The following TANC2 variants were observed in gnomAD, a reference collection of about 807,000 sequenced individuals.
TANC2 encodes the protein tetratricopeptide repeat, ankyrin repeat and coiled-coil containing 2.
A neutral mutation model predicts 210.5 loss-of-function variants in TANC2; 26 were observed. That is an observed-to-expected ratio of 0.12 (90% CI 0.09 to 0.17). The LOEUF is 0.17. Ranked by LOEUF, TANC2 falls within the 10% of genes least tolerant of loss-of-function variation. The pLI is 1.00. For missense variants in TANC2, 2,129 were observed against 2,608.9 expected (o/e 0.82, Z 4.01); for synonymous variants, 931 against 967.1 (o/e 0.96, Z 0.69).
chr17:63,262,693 A>C (rs1448678270), intron 8 of TANC2, among the ~76,000 whole-genome samples: 1 of 151,720 alleles, frequency 6.6e-6, no homozygotes, highest in East Asian at 1.9e-4. Context: ...AATAGACTTC[A>C]GTTAAAGCAG....
At chr17:63,126,931 C>A (rs544212693) in intron 4 of TANC2, among the ~76,000 whole-genome samples, 30 of 152,194 alleles carry the variant, frequency 2.0e-4, no homozygotes, top group Non-Finnish European at 3.7e-4. Flanking sequence ...TGATTTTGAC[C>A]TGTTTTTAAA....
intron 2 of TANC2, among the ~76,000 whole-genome samples, chr17:63,032,913 T>A (rs1345343899): frequency 4.6e-5 from 7 of 152,164 alleles, no homozygotes; most frequent in African/African-American, 1.4e-4. Context: ...CCCTTGTACT[T>A]CTTCTGACCT....
intron 1 of TANC2, among the ~76,000 whole-genome samples, chr17:62,992,919 A>G (rs1270067380): frequency 6.6e-5 from 10 of 152,154 alleles, no homozygotes; most frequent in Admixed American, 6.5e-4. Context: ...TGGGGCAAAA[A>G]CTAATGTTTT....
rs116223693 is a variant in TANC2, at chr17:63,248,587, T to C, written c.1033+10510T>C. 8.4e-3 allele frequency among the ~76,000 whole-genome samples: 1,273 copies of C among 152,262 alleles called. 14 individuals are homozygous for C. The highest frequency in any genetic ancestry group is 0.028 in the African/African-American group (1,163 of 41,548). On this transcript the variant is annotated intron_variant, in intron 8 of 27. Coordinates refer to ENST00000689528, the Ensembl canonical transcript of TANC2. The stretch of plus-strand genomic sequence containing the variant: ...ATTGTTTAAATGGTCCTTGCCATGA[T>C]ACAGATTTCTCCCCAATTTGGGAAG...
At chr17:63,184,572 ACC>A (rs1401607525) in intron 5 of TANC2, among the ~76,000 whole-genome samples, 1 of 151,960 alleles carries the variant, frequency 6.6e-6, no homozygotes, top group Non-Finnish European at 1.5e-5. Flanking sequence ...TTACAAACAT[ACC>A]CACTGTTCTG....
intron 4 of TANC2, among the ~76,000 whole-genome samples, chr17:63,102,468 T>C (rs2037664285): frequency 1.3e-5 from 2 of 151,814 alleles, no homozygotes; most frequent in Admixed American, 1.3e-4. Flanking sequence ...CCTTTTTATT[T>C]TTATTTATTT....
At chr17:63,306,481 A>G (rs1399123087) in intron 9 of TANC2, among the ~76,000 whole-genome samples, 1 of 152,238 alleles carries the variant, frequency 6.6e-6, no homozygotes, top group Non-Finnish European at 1.5e-5. Context: ...ACCCCAGACT[A>G]TGTACTGATA....
intron 11 of TANC2, among the ~76,000 whole-genome samples, chr17:63,328,476 T>G (rs2045728980): frequency 6.6e-6 from 1 of 151,862 alleles, no homozygotes; most frequent in Non-Finnish European, 1.5e-5. Context: ...AATCCTGTCT[T>G]TTGCAAGAAT....
intron 8 of TANC2, among the ~76,000 whole-genome samples, chr17:63,245,229 A>G (rs1328902605): frequency 1.3e-5 from 2 of 152,216 alleles, no homozygotes; most frequent in East Asian, 3.8e-4. Context: ...TATCCTGTTC[A>G]GACATCTTAT....
At chr17:63,185,645 T>G (rs2040955898) in intron 5 of TANC2, among the ~76,000 whole-genome samples, 1 of 152,224 alleles carries the variant, frequency 6.6e-6, no homozygotes, top group Admixed American at 6.5e-5. Flanking sequence ...GTTTCAGTGT[T>G]CCTTTGCCCC....
intron 2 of TANC2, among the ~76,000 whole-genome samples, chr17:63,073,583 AAGC>A (rs1313179126): frequency 2.0e-5 from 3 of 152,200 alleles, no homozygotes; most frequent in Admixed American, 6.5e-5. Flanking sequence ...TAGACAGAAA[AAGC>A]AGCTGTAATT....
intron 8 of TANC2, among the ~76,000 whole-genome samples, chr17:63,252,179 T>C (rs1259323826): frequency 6.6e-6 from 1 of 152,110 alleles, no homozygotes; most frequent in African/African-American, 2.4e-5. Context: ...CTTTAAAATA[T>C]TAGATGAGTA....
intron 3 of TANC2, among the ~76,000 whole-genome samples, chr17:63,090,538 C>T (rs1300744141): frequency 1.3e-5 from 2 of 152,184 alleles, no homozygotes; most frequent in African/African-American, 4.8e-5. Flanking sequence ...GACACGAACT[C>T]ATCCTTTTTC....
At chr17:63,027,352 A>G (rs2034593892) in intron 2 of TANC2, among the ~76,000 whole-genome samples, 1 of 152,074 alleles carries the variant, frequency 6.6e-6, no homozygotes, top group Non-Finnish European at 1.5e-5. Context: ...GATTCTTTAA[A>G]AAAGGGATTT....
chr17:62,980,998 C>A (rs1378227717), intron 1 of TANC2, among the ~76,000 whole-genome samples: 1 of 152,188 alleles, frequency 6.6e-6, no homozygotes, highest in Non-Finnish European at 1.5e-5. Context: ...TTGATGAAAA[C>A]CAACTCCATC....
At chr17:63,122,662 G>T (rs747657434) in intron 4 of TANC2, among the ~76,000 whole-genome samples, 1 of 151,312 alleles carries the variant, frequency 6.6e-6, no homozygotes, top group East Asian at 1.9e-4. Flanking sequence ...AACCTGGGAG[G>T]TAGAGGTTAT....
At chr17:63,123,908 G>A (rs2038597946) in intron 4 of TANC2, among the ~76,000 whole-genome samples, 1 of 151,808 alleles carries the variant, frequency 6.6e-6, no homozygotes, top group Non-Finnish European at 1.5e-5. Flanking sequence ...TCACCATCTT[G>A]GCCAGGCTGG....
chr17:63,170,147 G>C (rs1289299918), intron 5 of TANC2, among the ~76,000 whole-genome samples: 1 of 150,588 alleles, frequency 6.6e-6, no homozygotes, highest in African/African-American at 2.4e-5. Flanking sequence ...AAATTTATTG[G>C]CGGGGCATGG....
intron 14 of TANC2, among the ~76,000 whole-genome samples, chr17:63,378,241 G>T (rs1466860859): frequency 2.6e-5 from 4 of 152,142 alleles, no homozygotes; most frequent in Non-Finnish European, 5.9e-5. Context: ...TTTATATGCA[G>T]TAGACTATGT....
Sources: gnomAD v4.1 joint callset for allele counts (sites outside exome capture counted in the v4.1 genomes callset) on GRCh38, gnomAD v4.1.1 for gene constraint, MANE v1.5 for transcripts, NCBI Gene and HGNC (gene_info 2026-07-23, HGNC 2026-07-21) for gene names.